The following EPHA6 variants were observed in gnomAD, a reference collection of about 807,000 sequenced individuals.
EPHA6 encodes ephrin type-A receptor 6.
EPHA6 carries 50 observed loss-of-function variants against 112.0 expected under a neutral mutation model. That is an observed-to-expected ratio of 0.45 (90% confidence interval 0.36 to 0.56). EPHA6 has a LOEUF of 0.56. Ranked by LOEUF, EPHA6 falls within the 20% of genes least tolerant of loss-of-function variation. The pLI is 0.00. For synonymous variants in EPHA6, 529 were observed against 490.7 expected, an observed-to-expected ratio of 1.08 and a Z score of -1.03; for missense variants, 1,280 against 1,417.4, an observed-to-expected ratio of 0.90 and a Z score of 1.56.
chr3:97,470,508 A>G (rs888842924), intron 7 of EPHA6, among the ~76,000 whole-genome samples: 1 of 151,790 alleles, frequency 6.6e-6, no homozygotes, highest in African/African-American at 2.4e-5. Context: ...TGAAATGTAA[A>G]TATAAACTAG....
intron 3 of EPHA6, among the ~76,000 whole-genome samples, chr3:97,057,226 A>T (rs576512415): frequency 6.6e-6 from 1 of 152,232 alleles, no homozygotes; most frequent in Non-Finnish European, 1.5e-5. Context: ...ATAAATATCA[A>T]TATTTAAAAT....
intron 6 of EPHA6, among the ~76,000 whole-genome samples, chr3:97,447,018 A>G (rs570855456): frequency 6.6e-6 from 1 of 151,944 alleles, no homozygotes; most frequent in Non-Finnish European, 1.5e-5. Context: ...TCTTAATTCA[A>G]TTTTTTTCCT....
chr3:97,207,897 G>T (rs2077756121), intron 3 of EPHA6, among the ~76,000 whole-genome samples: 2 of 152,140 alleles, frequency 1.3e-5, no homozygotes, highest in Non-Finnish European at 2.9e-5. Flanking sequence ...ATCTGCCTGG[G>T]TGAGAAATAG....
chr3:96,843,549 C>T (rs1231286331), intron 1 of EPHA6, among the ~76,000 whole-genome samples: 2 of 151,960 alleles, frequency 1.3e-5, no homozygotes, highest in East Asian at 1.9e-4. Flanking sequence ...AGCGAGGTGG[C>T]GGTGAACAGG....
rs1328338994 is a variant in EPHA6, at chr3:96,965,801, T to G, written c.451-21529T>G. ...TTACCTTTCGTATTTAAATCAGTATTCTTTGAGGATCAAACTTCTTATAAA... is the reference window on the plus strand; with the variant it reads ...TTACCTTTCGTATTTAAATCAGTATGCTTTGAGGATCAAACTTCTTATAAA... On this transcript the variant is annotated intron_variant, in intron 2 of 17. Transcript: ENST00000389672. 2.0e-5 allele frequency among the ~76,000 whole-genome samples: 3 copies of G among 152,156 alleles called. No individual in the cohort carries two copies. The East Asian group carries it at 5.8e-4, about 29-fold the overall frequency.
intron 2 of EPHA6, among the ~76,000 whole-genome samples, chr3:96,921,307 T>G (rs1425223676): frequency 6.6e-6 from 1 of 152,102 alleles, no homozygotes. Flanking sequence ...TTTATATTTT[T>G]AATTATGATA....
chr3:97,330,905 T>A (rs149568744), intron 5 of EPHA6, among the ~76,000 whole-genome samples: 5,685 of 152,082 alleles, frequency 0.037, 309 homozygotes, highest in African/African-American at 0.12. Context: ...CCTAATAGAC[T>A]TCTACAGAAC....
At position 97,748,683 on chromosome 3, in the gene EPHA6, G is replaced by A; in HGVS notation, c.3375G>A (p.Glu1125=). 1 of 1,600,396 alleles carries A rather than the reference G, an allele frequency of 6.2e-7. No individual in the cohort carries two copies. The highest frequency in any genetic ancestry group is 1.1e-5 in the South Asian group (1 of 90,620). The change falls in exon 18 of 18, where the codon GAG becomes GAA. Residue 1125 remains glutamate (E), a synonymous_variant. Transcript: ENST00000389672. Reference sequence around the variant, plus strand: ...GTTTACACATGATGCACATACAGGAGAAGGGATTTCATGTATGAAAGTACC... The same window carrying A: ...GTTTACACATGATGCACATACAGGAAAAGGGATTTCATGTATGAAAGTACC... ...TLRLHMMHIQ[E]KGFHV
At chr3:97,581,102 C>G (rs573294423) in intron 11 of EPHA6, among the ~76,000 whole-genome samples, 1 of 152,174 alleles carries the variant, frequency 6.6e-6, no homozygotes, top group Non-Finnish European at 1.5e-5. Context: ...CCCTCAAGAT[C>G]GTCTCTCTGT....
At position 97,754,277 on chromosome 3, in the gene EPHA6, G is replaced by A. The variant is rs2035970922; in HGVS notation, c.*5576G>A. Among the ~76,000 whole-genome samples the A allele has an allele frequency of 6.6e-6, 1 of 151,768 alleles. No individual in the cohort carries two copies. Among genetic ancestry groups the A allele is most frequent in the African/African-American group, 2.4e-5 (1 of 41,316 alleles). ...CTAATTTTGTATTTTTAGTAGAGAC[G>A]GGATTTCTCCATGTTGGTTAGGCTG... On this transcript the variant is annotated 3_prime_UTR_variant, in exon 18 of 18. Coordinates refer to ENST00000389672, the MANE Select transcript of EPHA6 (RefSeq NM_001080448.3).
intron 15 of EPHA6, among the ~76,000 whole-genome samples, chr3:97,730,975 C>T (rs1425966522): frequency 6.6e-6 from 1 of 152,042 alleles, no homozygotes; most frequent in African/African-American, 2.4e-5. Context: ...TGAGCCATTG[C>T]AGAATTTCAG....
chr3:97,137,632 T>A (rs979110319), intron 3 of EPHA6, among the ~76,000 whole-genome samples: 1 of 152,184 alleles, frequency 6.6e-6, no homozygotes, highest in African/African-American at 2.4e-5. Context: ...AGAAATTAAG[T>A]TAGCAAAATC....
intron 14 of EPHA6, among the ~76,000 whole-genome samples, chr3:97,643,075 C>T (rs1425397919): frequency 3.9e-5 from 6 of 152,048 alleles, no homozygotes; most frequent in Admixed American, 6.6e-5. Flanking sequence ...GAAGCCCATC[C>T]GACTAACAGT....
At chr3:97,185,992 C>T (rs1040613296) in intron 3 of EPHA6, among the ~76,000 whole-genome samples, 4 of 142,850 alleles carry the variant, frequency 2.8e-5, no homozygotes, top group Non-Finnish European at 6.0e-5. Context: ...TGTTCTCACT[C>T]ATAGGTGGGA....
At chr3:97,108,504 A>G (rs1316273649) in intron 3 of EPHA6, among the ~76,000 whole-genome samples, 1 of 152,204 alleles carries the variant, frequency 6.6e-6, no homozygotes, top group Non-Finnish European at 1.5e-5. Context: ...AGGAAAGTAC[A>G]TAAGAAAAGA....
At chr3:97,649,865 G>A (rs770191310) in intron 14 of EPHA6, among the ~76,000 whole-genome samples, 69 of 151,766 alleles carry the variant, frequency 4.5e-4, no homozygotes, top group Admixed American at 8.5e-4. Flanking sequence ...ATTATAATTC[G>A]CTGATGAGGA....
chr3:97,656,654 C>A (rs2094139569), intron 14 of EPHA6, among the ~76,000 whole-genome samples: 2 of 151,828 alleles, frequency 1.3e-5, no homozygotes, highest in Admixed American at 1.3e-4. Flanking sequence ...ACTTACTGAT[C>A]AGGCTTATAT....
In EPHA6 at chr3:97,748,599, A is replaced by G; in HGVS notation, c.3291A>G (p.Arg1097=). The change falls in exon 18 of 18, where the codon AGA becomes AGG. Residue 1097 remains arginine, a synonymous_variant. Coordinates refer to ENST00000389672, the MANE Select transcript of EPHA6 (RefSeq NM_001080448.3). The part of the protein sequence containing the change: ...ISRMSIDDIR[R]IGVILIGHQR... Reference sequence around the variant, plus strand: ...TCCTTTCTTTCAGTGACATTAGAAGAATTGGAGTCATACTTATTGGACACC... The same window carrying G: ...TCCTTTCTTTCAGTGACATTAGAAGGATTGGAGTCATACTTATTGGACACC... 1.3e-6 allele frequency: 2 copies of G among 1,596,590 alleles called. No individual in the cohort carries two copies. The highest frequency in any genetic ancestry group is 2.2e-5 in the South Asian group (2 of 90,282).
intron 3 of EPHA6, among the ~76,000 whole-genome samples, chr3:97,094,919 GGGT>G (rs2047188353): frequency 6.6e-6 from 1 of 152,028 alleles, no homozygotes; most frequent in Non-Finnish European, 1.5e-5. Flanking sequence ...CCGGATTTCA[GGGT>G]CTGACTTGCC....
Sources: allele counts gnomAD v4.1 joint callset (sites outside exome capture counted in the v4.1 genomes callset), GRCh38; gene constraint gnomAD v4.1.1; transcripts MANE v1.5; gene names NCBI Gene and HGNC (gene_info 2026-07-23, HGNC 2026-07-21).